Variants in ADAM15 observed in about 807,000 individuals in gnomAD.
The protein encoded by ADAM15 is ADAM metallopeptidase domain 15, also known as disintegrin and metalloproteinase domain-containing protein 15.
A neutral mutation model predicts 113.8 loss-of-function variants in ADAM15; 77 were observed. The ratio of observed to expected loss-of-function variants is 0.68; its 90% CI spans 0.56 to 0.82. ADAM15 has a LOEUF of 0.82. Among genes scored for constraint, ADAM15 ranks in the 40% least tolerant of loss-of-function variants. ADAM15 has a pLI of 0.00. For missense variants in ADAM15, 963 were observed against 1,120.1 expected (o/e 0.86, Z 2.00); for synonymous variants, 388 against 454.1 (o/e 0.85, Z 1.85).
intron 6 of ADAM15, among the ~76,000 whole-genome samples, chr1:155,054,812 G>A (rs533933089): frequency 1.3e-5 from 2 of 152,268 alleles, no homozygotes; most frequent in East Asian, 3.9e-4. Context: ...AGAGGTTTCA[G>A]TGGGCCGAGA....
chr1:155,062,529 A>G lies in ADAM15; in HGVS notation c.*27A>G. ...CTCTCCGGAGGTTCCGCTGCCTCCA[A>G]GCCGGACTTAGGGCTTCAAGAGGCG... On this transcript the variant is annotated 3_prime_UTR_variant, in exon 23 of 23. Coordinates refer to ENST00000356955, the MANE Select transcript of ADAM15 (RefSeq NM_207197.3). The surrounding 1 kb of genome is among the most constrained non-coding windows in gnomAD (Gnocchi z 7.0). 1.2e-6 allele frequency: 2 copies of G among 1,611,102 alleles called. No individual in the cohort carries two copies. The highest frequency in any genetic ancestry group is 1.7e-6 in the Non-Finnish European group (2 of 1,179,014).
At position 155,062,286 on chromosome 1, in the gene ADAM15, G is replaced by T; in HGVS notation, c.2466G>T (p.Leu822=). The change falls in exon 22 of 23, where the codon CTG becomes CTT. Residue 822 remains leucine (L), a synonymous_variant. Transcript: ENST00000356955. This position sits in a 1 kb window ranked among gnomAD's most constrained non-coding sequence, Gnocchi z 7.0. The part of the protein sequence containing the change: ...PAKPPPPRKP[L]PADPQGRCPS... ...AGCCCCCACCCCCAAGGAAGCCACT[G>T]CCTGCCGACCCCCAGGGCCGGTGCC... 1 of 1,471,900 alleles carries T rather than the reference G, an allele frequency of 6.8e-7. No homozygotes were observed. Among genetic ancestry groups the T allele is most frequent in the Non-Finnish European group, 9.0e-7 (1 of 1,108,570 alleles). 91.2% of individuals were successfully genotyped at this position (1,471,900 alleles called of 1,614,324 possible).
intron 1 of ADAM15, 177 bp downstream of exon 1, chr1:155,051,642 A>T: frequency 3.8e-6 from 2 of 527,162 alleles, no homozygotes; most frequent in Non-Finnish European, 6.3e-6. Context: ...TGGGGTGAAA[A>T]GAGAAGGAGG....
intron 20 of ADAM15, 29 bp downstream of exon 20, chr1:155,061,518 C>G: frequency 6.2e-7 from 1 of 1,607,304 alleles, no homozygotes; most frequent in Non-Finnish European, 8.5e-7. Flanking sequence ...CCGCCCTGAG[C>G]CAAGGCAGGT....
chr1:155,059,841 TAG>T (rs1490848592), intron 16 of ADAM15, 59 bp from the exon 17 acceptor site: 2 of 1,552,948 alleles, frequency 1.3e-6, no homozygotes, highest in African/African-American at 2.7e-5. Flanking sequence ...CTTGAAAAGC[TAG>T]AGACAAGGAA....
intron 16 of ADAM15, among the ~76,000 whole-genome samples, chr1:155,059,181 T>C (rs1396453461): frequency 1.3e-5 from 2 of 152,146 alleles, no homozygotes; most frequent in East Asian, 1.9e-4. Flanking sequence ...ATTACTCATG[T>C]CTCAGCCTCC....
chr1:155,053,857 T>C (rs577321123), intron 3 of ADAM15, 53 bp from the exon 4 acceptor site: 1 of 1,593,512 alleles, frequency 6.3e-7, no homozygotes, highest in East Asian at 2.2e-5. Flanking sequence ...TGCTTGTCAA[T>C]GCACGACCTG....
chr1:155,054,017 G>A (rs1270392717), intron 4 of ADAM15, 29 bp downstream of exon 4: 2 of 1,613,816 alleles, frequency 1.2e-6, no homozygotes, highest in East Asian at 2.2e-5. Flanking sequence ...TGCCATTTTT[G>A]GCTTAGGGGA....
At position 155,062,597 on chromosome 1, in the gene ADAM15, A is replaced by T; in HGVS notation, c.*95A>T. 6.7e-7 allele frequency: 1 copy of T among 1,503,714 alleles called. No individual in the cohort carries two copies. The highest frequency in any genetic ancestry group is 9.1e-7 in the Non-Finnish European group (1 of 1,104,352). The allele number at this position is 1,503,714 out of a possible 1,614,324, so 93.1% of individuals were successfully genotyped here. The stretch of plus-strand genomic sequence containing the variant: ...CCCCTACCATGACTGAAGGCGCCAG[A>T]GACTGGCGGTGTCTTAAGACTCCGG... On this transcript the variant is annotated 3_prime_UTR_variant, in exon 23 of 23. Transcript: ENST00000356955. The surrounding 1 kb of genome is among the most constrained non-coding windows in gnomAD (Gnocchi z 7.0).
chr1:155,060,335 C>T lies in ADAM15; in HGVS notation c.2199C>T (p.Cys733=), dbSNP rs1662400373. ...TCTGCCAGCTCAAGGGACCCACCTGCCAGTACAGGTATGAGCATCACCTCC... is the reference window on the plus strand; with the variant it reads ...TCTGCCAGCTCAAGGGACCCACCTGTCAGTACAGGTATGAGCATCACCTCC... The part of the protein sequence containing the change: ...QRLCQLKGPT[C]QYRAAQSGPS... Residue 733 remains cysteine, a synonymous_variant, in exon 18 of 23, where the codon TGC becomes TGT. Coordinates refer to ENST00000356955, the MANE Select transcript of ADAM15 (RefSeq NM_207197.3). The T allele has an allele frequency of 1.9e-6, 3 of 1,614,108 alleles. No homozygotes were observed. The highest frequency in any genetic ancestry group is 1.1e-5 in the South Asian group (1 of 91,092).
intron 18 of ADAM15, among the ~76,000 whole-genome samples, 161 bp downstream of exon 18, chr1:155,060,504 C>T (rs1216573707): frequency 1.3e-5 from 2 of 152,170 alleles, no homozygotes; most frequent in African/African-American, 4.8e-5. Flanking sequence ...TATATGTGCC[C>T]ACAGCTTTTT....
rs780987112 is a variant in ADAM15 at position 155,057,276 on chromosome 1, C to T, written c.1237C>T (p.Arg413Trp). 1.1e-5 allele frequency: 18 copies of T among 1,614,186 alleles called. No individual in the cohort carries two copies. The highest frequency in any genetic ancestry group is 2.2e-5 in the East Asian group (1 of 44,882). ...TGGAATGGGCAGCTGCCTCTTCGAA[C>T]GGCTGCCTAGCCTACCCCCTATGGC... ...LDGMGSCLFERLPSLPPMAAF... is the reference protein window; with the variant it reads ...LDGMGSCLFEWLPSLPPMAAF... Residue 413 changes from arginine (R) to tryptophan (W), a missense_variant, in exon 12 of 23, where the codon CGG becomes TGG. Arg to Trp is a moderately radical substitution (Grantham distance 101). Transcript: ENST00000356955. This position sits in a 1 kb window ranked among gnomAD's most constrained non-coding sequence, Gnocchi z 5.0.
In ADAM15 at chr1:155,062,744, A is replaced by T. The variant is rs1360929657; in HGVS notation, c.*242A>T. ...AGGTCCGCACAGCCTGTCTCTGCTC[A>T]GTTGCAATAAACGTGACATCTTGGG... is the stretch of plus-strand genomic sequence containing the variant. On this transcript the variant is annotated 3_prime_UTR_variant, in exon 23 of 23. Transcript: ENST00000356955. This position sits in a 1 kb window ranked among gnomAD's most constrained non-coding sequence, Gnocchi z 7.0. 1 of 513,456 alleles carries T rather than the reference A, an allele frequency of 1.9e-6. No homozygotes were observed. The highest frequency in any genetic ancestry group is 3.4e-5 in the Admixed American group (1 of 29,016). 31.8% of individuals were successfully genotyped at this position (513,456 alleles called of 1,614,324 possible).
At position 155,057,510 on chromosome 1, in the gene ADAM15, G is replaced by T; in HGVS notation, c.1324-127G>T. ...CCCTGTCTGTGGGGACAGCACATGG[G>T]TTGTTGGGCTCTAGCCCTCGCTTGC... On this transcript the variant is annotated intron_variant, in intron 12 of 22. Coordinates refer to ENST00000356955, the MANE Select transcript of ADAM15 (RefSeq NM_207197.3). This position sits in a 1 kb window ranked among gnomAD's most constrained non-coding sequence, Gnocchi z 5.0. 6.7e-7 allele frequency: 1 copy of T among 1,486,786 alleles called. No individual in the cohort carries two copies. The highest frequency in any genetic ancestry group is 9.2e-7 in the Non-Finnish European group (1 of 1,081,748). 92.1% of individuals were successfully genotyped at this position (1,486,786 alleles called of 1,614,324 possible).
rs1274976443 is a variant in ADAM15, at chr1:155,051,461, T to C, written c.75T>C (p.Asn25=). ...GSPLPSWPLP[N]IGGTEEQQAE... is the part of the protein sequence containing the mutation. The stretch of plus-strand genomic sequence containing the variant: ...CTCTGCCTTCCTGGCCGCTCCCAAA[T>C]ATAGGTGAGTCCTCCGCCTGGAGTG... Residue 25 remains asparagine, a synonymous_variant, in exon 1 of 23, where the codon AAT becomes AAC. Coordinates refer to ENST00000356955, the MANE Select transcript of ADAM15 (RefSeq NM_207197.3). 6.4e-7 allele frequency: 1 copy of C among 1,561,180 alleles called. No homozygotes were observed.
In ADAM15 at chr1:155,057,578, G is replaced by A; in HGVS notation, c.1324-59G>A. ...TGGCCTGTGGGAGGAGGAGAGATTG[G>A]AGGGAGGCTCACAGGCCCCACCTGC... On this transcript the variant is annotated intron_variant, in intron 12 of 22. Transcript: ENST00000356955. This position sits in a 1 kb window ranked among gnomAD's most constrained non-coding sequence, Gnocchi z 5.0. 6.3e-7 allele frequency: 1 copy of A among 1,588,056 alleles called. No individual in the cohort carries two copies. The highest frequency in any genetic ancestry group is 8.6e-7 in the Non-Finnish European group (1 of 1,157,396).
rs777958523 is a variant in ADAM15, at chr1:155,053,979, A to G, written c.333A>G (p.Gly111=). ...ATGGCACTCGGGTGGTCAGTGAGGG[A>G]CACACTTTGGTGAGTCAGGCCCTCT... ...QPDGTRVVSE[G]HTLENCCYQG... Residue 111 remains glycine (G), a synonymous_variant, in exon 4 of 23, where the codon GGA becomes GGG. Coordinates refer to ENST00000356955, the MANE Select transcript of ADAM15 (RefSeq NM_207197.3). The G allele has an allele frequency of 5.0e-6, 8 of 1,614,032 alleles. No individual in the cohort carries two copies. The South Asian group carries it at 7.7e-5, about 16-fold the overall frequency.
In ADAM15 at chr1:155,056,386, TG is replaced by T. The variant is rs911359639; in HGVS notation, c.917del (p.Gly306ValfsTer26). 1 of 1,613,968 alleles carries T rather than the reference TG, an allele frequency of 6.2e-7. No individual in the cohort carries two copies. Among genetic ancestry groups the T allele is most frequent in the Non-Finnish European group, 8.5e-7 (1 of 1,179,964 alleles). ...GAACTTTAGCCTCTCTGTCCCACAG[TG>T]GTACTTCATTCTCTGGGCCTACGGT... ...LPHDSAQLVTGTSFSGPTVGM... is the reference protein window; with the variant it reads ...LPHDSAQLVTXTSFSGPTVGM... On this transcript the variant is annotated frameshift_variant and splice_region_variant, in exon 10 of 23. Transcript: ENST00000356955. LOFTEE classifies it high-confidence loss of function. The surrounding 1 kb of genome is among the most constrained non-coding windows in gnomAD (Gnocchi z 4.0).
Position 155,055,988 on chromosome 1 carries a change from C to T in ADAM15, c.732C>T (p.Leu244=), listed in dbSNP as rs938857416. ...TAAACCGCACACTGGAAGTGGCCCT[C>T]TTGCTGGACACAGTGAGTGCTGGAC... ...HLLNRTLEVA[L]LLDTFFRPLN... Residue 244 remains leucine, a synonymous_variant, in exon 8 of 23, where the codon CTC becomes CTT. Transcript: ENST00000356955. 5.6e-6 allele frequency: 9 copies of T among 1,614,010 alleles called. No homozygotes were observed. The Middle Eastern group carries it at 9.9e-4, about 178-fold the overall frequency.
Sources: allele counts gnomAD v4.1 joint callset (sites outside exome capture counted in the v4.1 genomes callset), GRCh38; gene constraint gnomAD v4.1.1; non-coding constraint Gnocchi (gnomAD v3.1); transcripts MANE v1.5; gene names NCBI Gene and HGNC (gene_info 2026-07-23, HGNC 2026-07-21).